B3GALT5: variants seen among roughly 807,000 people sequenced by gnomAD.
B3GALT5 encodes UDP-Gal:betaGlcNAc beta 1,3-galactosyltransferase, polypeptide 5.
For synonymous variants in B3GALT5, 156 were observed against 158.6 expected (o/e 0.98, Z 0.12); for missense variants, 328 against 396.6 (o/e 0.83, Z 1.47).
intron 1 of B3GALT5, among the ~76,000 whole-genome samples, chr21:39,645,843 C>G (rs1010164159): frequency 1.3e-5 from 2 of 151,970 alleles, no homozygotes; most frequent in Non-Finnish European, 2.9e-5. Context: ...TGTCCCGACC[C>G]GGGGCAGATC....
rs371497510 is a variant in B3GALT5, at chr21:39,660,903, G to A, written c.344G>A (p.Arg115Gln). 3.1e-6 allele frequency: 5 copies of A among 1,611,012 alleles called. No individual in the cohort carries two copies. Among genetic ancestry groups the A allele is most frequent in the Non-Finnish European group, 3.4e-6 (4 of 1,178,508 alleles). The change falls in exon 4 of 4, where the codon CGA becomes CAA. Residue 115 changes from arginine to glutamine, a missense_variant. Coordinates refer to ENST00000684187, the MANE Select transcript of B3GALT5 (RefSeq NM_001356336.2). ...ETKEVDQESQRHGDIIQKDFL... is the reference protein window; with the variant it reads ...ETKEVDQESQQHGDIIQKDFL... ...AAAGAGGTGGACCAGGAGAGCCAGC[G>A]ACACGGGGACATTATCCAGAAGGAT...
At chr21:39,631,725 G>A (rs112298101) in intron 1 of B3GALT5, among the ~76,000 whole-genome samples, 5 of 152,332 alleles carry the variant, frequency 3.3e-5, no homozygotes, top group African/African-American at 9.6e-5. Context: ...CTGTATCCAA[G>A]TCACTTTCAG....
chr21:39,623,619 C>A (rs1313810012), intron 1 of B3GALT5, among the ~76,000 whole-genome samples: 1 of 152,154 alleles, frequency 6.6e-6, no homozygotes, highest in East Asian at 1.9e-4. Flanking sequence ...TTACTTCTTT[C>A]CAGCATTTTG....
intron 2 of B3GALT5, among the ~76,000 whole-genome samples, chr21:39,647,141 G>A (rs915081484): frequency 6.6e-6 from 1 of 152,156 alleles, no homozygotes; most frequent in Non-Finnish European, 1.5e-5. Flanking sequence ...CCACACAGCT[G>A]AAAGGGAACA....
chr21:39,647,736 A>C (rs556829888), intron 2 of B3GALT5, among the ~76,000 whole-genome samples: 14 of 152,090 alleles, frequency 9.2e-5, no homozygotes, highest in African/African-American at 2.9e-4. Flanking sequence ...CTTCATGGAG[A>C]CCTTACTCAA....
chr21:39,652,477 C>T (rs767086992), intron 2 of B3GALT5, among the ~76,000 whole-genome samples: 34 of 152,220 alleles, frequency 2.2e-4, no homozygotes, highest in African/African-American at 7.7e-4. Context: ...GTGTAGAACA[C>T]GTAAGTGCCC....
chr21:39,629,150 G>T (rs1174830034), intron 1 of B3GALT5, among the ~76,000 whole-genome samples: 1 of 152,128 alleles, frequency 6.6e-6, no homozygotes, highest in Non-Finnish European at 1.5e-5. Context: ...GAGTAGCTGG[G>T]TCTACAGGCC....
At chr21:39,626,659 A>T (rs575240878) in intron 1 of B3GALT5, among the ~76,000 whole-genome samples, 1 of 152,058 alleles carries the variant, frequency 6.6e-6, no homozygotes, top group Admixed American at 6.5e-5. Context: ...GTGCTGTCTC[A>T]TTGTGACTGA....
intron 1 of B3GALT5, among the ~76,000 whole-genome samples, chr21:39,617,748 A>AT (rs1177462091): frequency 1.3e-5 from 2 of 152,074 alleles, no homozygotes; most frequent in Admixed American, 6.6e-5. Flanking sequence ...AAACTTTGAG[A>AT]TTTTTTTAAA....
intron 1 of B3GALT5, among the ~76,000 whole-genome samples, chr21:39,616,965 A>T (rs1452347684): frequency 1.3e-5 from 2 of 152,202 alleles, no homozygotes; most frequent in African/African-American, 2.4e-5. Context: ...AAGTGAAATA[A>T]TAATAGAAAA....
At position 39,665,295 on chromosome 21, in the gene B3GALT5, A is replaced by G. The variant is rs1368875922; in HGVS notation, c.*3803A>G. The G allele has an allele frequency of 3.3e-5, 5 of 152,280 alleles. No individual in the cohort carries two copies. Among genetic ancestry groups the G allele is most frequent in the Non-Finnish European group, 5.9e-5 (4 of 68,134 alleles). The allele number at this position is 152,280 out of a possible 1,614,324, so 9.4% of individuals were successfully genotyped here. ...CCTCCACTGCGACCACCCTTGTTCA[A>G]GCCTGCATTGCCTCTCACCTGCATT... On this transcript the variant is annotated 3_prime_UTR_variant, in exon 4 of 4. Transcript: ENST00000684187.
Position 39,666,694 on chromosome 21 carries a change from C to G in B3GALT5, c.*5202C>G, listed in dbSNP as rs1371251238. 1 of 152,348 alleles carries G rather than the reference C, an allele frequency of 6.6e-6. No individual in the cohort carries two copies. Among genetic ancestry groups the G allele is most frequent in the East Asian group, 1.9e-4 (1 of 5,198 alleles). 9.4% of individuals were successfully genotyped at this position (152,348 alleles called of 1,614,324 possible). A position where few individuals can be genotyped will look rare whatever the true frequency, so the allele number is the denominator to read the frequency against. ...CTGGCATCCACCATGCCTTAAAAAA[C>G]AAAACAAAACCCTAAATGTATTTAA... On this transcript the variant is annotated 3_prime_UTR_variant, in exon 4 of 4. Transcript: ENST00000684187.
In B3GALT5 at chr21:39,664,055, C is replaced by T. The variant is rs2079555390; in HGVS notation, c.*2563C>T. 1 of 152,332 alleles carries T rather than the reference C, an allele frequency of 6.6e-6. No individual in the cohort carries two copies. Among genetic ancestry groups the T allele is most frequent in the Non-Finnish European group, 1.5e-5 (1 of 68,138 alleles). 9.4% of individuals were successfully genotyped at this position (152,332 alleles called of 1,614,324 possible). Reference sequence around the variant, plus strand: ...AGGTATTGCCTCATCTACATGCTCTCAATGAGTTTTCCGGGGGCAGAGACC... The same window carrying T: ...AGGTATTGCCTCATCTACATGCTCTTAATGAGTTTTCCGGGGGCAGAGACC... On this transcript the variant is annotated 3_prime_UTR_variant, in exon 4 of 4. Coordinates refer to ENST00000684187, the MANE Select transcript of B3GALT5 (RefSeq NM_001356336.2).
In B3GALT5 at chr21:39,670,288, A is replaced by G. The variant is rs938656583; in HGVS notation, c.*8796A>G. 5.3e-5 allele frequency: 8 copies of G among 152,278 alleles called. No individual in the cohort carries two copies. The highest frequency in any genetic ancestry group is 1.7e-4 in the African/African-American group (7 of 41,416). The allele number at this position is 152,278 out of a possible 1,614,324, so 9.4% of individuals were successfully genotyped here. A position where few individuals can be genotyped will look rare whatever the true frequency, so the allele number is the denominator to read the frequency against. On this transcript the variant is annotated 3_prime_UTR_variant, in exon 4 of 4. Transcript: ENST00000684187. ...GACAGATCTGAGGCTCTAATTAGAG[A>G]TACCATGCTCAGTGGAAGCTGGTTC...
intron 1 of B3GALT5, among the ~76,000 whole-genome samples, chr21:39,628,047 A>G (rs1276815315): frequency 6.6e-6 from 1 of 152,212 alleles, no homozygotes; most frequent in Non-Finnish European, 1.5e-5. Flanking sequence ...TATAATTCTA[A>G]CCACTTAGAA....
At chr21:39,651,587 G>A (rs1019875846) in intron 2 of B3GALT5, among the ~76,000 whole-genome samples, 2 of 152,184 alleles carry the variant, frequency 1.3e-5, no homozygotes, top group Non-Finnish European at 2.9e-5. Flanking sequence ...CTCCAAATAA[G>A]GTCACATTCT....
chr21:39,615,151 T>C (rs2079100981), intron 1 of B3GALT5, among the ~76,000 whole-genome samples: 3 of 152,218 alleles, frequency 2.0e-5, no homozygotes, highest in Admixed American at 6.5e-5. Context: ...AGGTAAGTCC[T>C]TGGACTTGGT....
At chr21:39,655,875 G>A (rs927667558) in intron 2 of B3GALT5, among the ~76,000 whole-genome samples, 4 of 152,030 alleles carry the variant, frequency 2.6e-5, no homozygotes, top group Non-Finnish European at 5.9e-5. Context: ...GTCCACCCCC[G>A]TCATGCTCTT....
chr21:39,616,334 C>G (rs1442132374), intron 1 of B3GALT5, among the ~76,000 whole-genome samples: 2 of 152,156 alleles, frequency 1.3e-5, no homozygotes, highest in East Asian at 3.8e-4. Flanking sequence ...GCTTCCTAAA[C>G]TCTGCAAGTT....
Sources: gnomAD v4.1 joint callset for allele counts (sites outside exome capture counted in the v4.1 genomes callset) on GRCh38, gnomAD v4.1.1 for gene constraint, MANE v1.5 for transcripts, NCBI Gene and HGNC (gene_info 2026-07-23, HGNC 2026-07-21) for gene names.